SPOCK1: variants seen among roughly 807,000 people sequenced by gnomAD.
SPOCK1 encodes testican-1.
SPOCK1 carries 23 observed loss-of-function variants against 55.3 expected under a neutral mutation model. That is an observed-to-expected ratio of 0.42 (90% CI 0.30 to 0.59). SPOCK1 has a LOEUF of 0.59. SPOCK1 is among the 20% of genes least tolerant of loss of function. SPOCK1 has a pLI of 0.22. For missense variants in SPOCK1, 499 were observed against 552.5 expected (o/e 0.90, Z 0.97); for synonymous variants, 226 against 221.0 (o/e 1.02, Z -0.20).
At chr5:137,465,802 GACA>G (rs1397619480) in intron 2 of SPOCK1, among the ~76,000 whole-genome samples, 4 of 152,294 alleles carry the variant, frequency 2.6e-5, no homozygotes, top group South Asian at 2.1e-4. Flanking sequence ...TAGAAAAACA[GACA>G]ACAAGAGTCT....
At chr5:137,442,626 T>G (rs1439359164) in intron 2 of SPOCK1, among the ~76,000 whole-genome samples, 1 of 152,148 alleles carries the variant, frequency 6.6e-6, no homozygotes, top group Non-Finnish European at 1.5e-5. Flanking sequence ...TCCCACAAAC[T>G]CTTTACAATG....
intron 4 of SPOCK1, among the ~76,000 whole-genome samples, chr5:137,119,449 T>A (rs1483581186): frequency 6.6e-6 from 1 of 152,200 alleles, no homozygotes; most frequent in South Asian, 2.1e-4. Context: ...TACTAAGTCA[T>A]AAAATTACAC....
rs905925997 is a variant in SPOCK1 at position 137,216,484 on chromosome 5, G to A, written c.232+50526C>T. ...CCGGCACTTTCGGAGGCCAAGGCGG[G>A]TGGATCACTTGAGGTCAGGAGTTCA... On this transcript the variant is annotated intron_variant, in intron 3 of 10. Transcript: ENST00000394945. Among the ~76,000 whole-genome samples the A allele has an allele frequency of 3.3e-5, 5 of 152,364 alleles. No homozygotes were observed. In the South Asian group the frequency reaches 1.0e-3, roughly 32 times the overall value.
intron 2 of SPOCK1, among the ~76,000 whole-genome samples, chr5:137,366,243 T>C (rs531248033): frequency 6.6e-6 from 1 of 152,296 alleles, no homozygotes; most frequent in South Asian, 2.1e-4. Context: ...GGATGTCACA[T>C]AGGAAACAAG....
intron 6 of SPOCK1, among the ~76,000 whole-genome samples, chr5:137,042,862 C>T (rs999466977): frequency 3.9e-5 from 6 of 152,068 alleles, no homozygotes; most frequent in African/African-American, 1.4e-4. Context: ...TTTATATACA[C>T]ACACATGCAC....
intron 3 of SPOCK1, among the ~76,000 whole-genome samples, chr5:137,224,761 G>A (rs1755915853): frequency 6.6e-6 from 1 of 152,132 alleles, no homozygotes; most frequent in Non-Finnish European, 1.5e-5. Flanking sequence ...AAACTCCCCA[G>A]GGAGACCCGC....
At chr5:137,256,826 C>A (rs1465345017) in intron 3 of SPOCK1, among the ~76,000 whole-genome samples, 1 of 152,116 alleles carries the variant, frequency 6.6e-6, no homozygotes, top group Non-Finnish European at 1.5e-5. Flanking sequence ...CGCACGCGTG[C>A]CACAAGCAAA....
At chr5:136,987,350 C>CTGAT (rs1212754589) in intron 8 of SPOCK1, among the ~76,000 whole-genome samples, 1 of 152,030 alleles carries the variant, frequency 6.6e-6, no homozygotes, top group Non-Finnish European at 1.5e-5. Context: ...ACACAAGAAC[C>CTGAT]TGATAGAAAA....
At chr5:137,391,329 T>C (rs931285220) in intron 2 of SPOCK1, among the ~76,000 whole-genome samples, 3 of 152,162 alleles carry the variant, frequency 2.0e-5, no homozygotes, top group African/African-American at 7.2e-5. Flanking sequence ...GTTCCAAGTT[T>C]TGCTATTGTG....
intron 6 of SPOCK1, among the ~76,000 whole-genome samples, chr5:137,031,135 G>C (rs558765404): frequency 1.3e-5 from 2 of 152,018 alleles, no homozygotes; most frequent in Non-Finnish European, 2.9e-5. Context: ...TCAAATTTGC[G>C]TGGGACTCTG....
intron 2 of SPOCK1, among the ~76,000 whole-genome samples, chr5:137,390,603 G>C (rs1751698700): frequency 6.6e-6 from 1 of 152,172 alleles, no homozygotes; most frequent in South Asian, 2.1e-4. Flanking sequence ...CATACAAAGA[G>C]ATTGAGAGAA....
In SPOCK1 at chr5:136,977,564, T is replaced by C. The variant is rs1280268637; in HGVS notation, c.*1090A>G. 2.6e-6 allele frequency: 1 copy of C among 378,118 alleles called. No homozygotes were observed. Among genetic ancestry groups the C allele is most frequent in the Non-Finnish European group, 4.7e-6 (1 of 213,758 alleles). 23.4% of individuals were successfully genotyped at this position (378,118 alleles called of 1,614,324 possible). A position where few individuals can be genotyped will look rare whatever the true frequency, so the allele number is the denominator to read the frequency against. On this transcript the variant is annotated 3_prime_UTR_variant, in exon 11 of 11. Transcript: ENST00000394945. ...TGGTACTCTCAGAGAACAGGAGATA[T>C]GTGTGCATGCCTTAGAAAAAGCCCT...
chr5:137,390,466 T>C (rs1051573185), intron 2 of SPOCK1, among the ~76,000 whole-genome samples: 3 of 152,178 alleles, frequency 2.0e-5, no homozygotes, highest in Non-Finnish European at 4.4e-5. Flanking sequence ...ACACCATCTA[T>C]TTGTCTTGAG....
chr5:137,293,845 T>A (rs1397032123), intron 2 of SPOCK1, among the ~76,000 whole-genome samples: 3 of 151,774 alleles, frequency 2.0e-5, no homozygotes, highest in African/African-American at 7.3e-5. Context: ...TGAAACCCCG[T>A]CTCTACTAAA....
At chr5:137,042,046 C>T (rs75824303) in intron 6 of SPOCK1, among the ~76,000 whole-genome samples, 1,841 of 152,196 alleles carry the variant, frequency 0.012, 38 homozygotes, top group African/African-American at 0.041. Context: ...CTGGAAGCAA[C>T]CAAGATGCCC....
chr5:137,448,135 C>G (rs1753168741), intron 2 of SPOCK1, among the ~76,000 whole-genome samples: 1 of 152,142 alleles, frequency 6.6e-6, no homozygotes, highest in Non-Finnish European at 1.5e-5. Flanking sequence ...GTAATCCCAG[C>G]TACTCAGGAG....
At chr5:137,389,112 T>C (rs1053639530) in intron 2 of SPOCK1, among the ~76,000 whole-genome samples, 1 of 152,178 alleles carries the variant, frequency 6.6e-6, no homozygotes, top group African/African-American at 2.4e-5. Context: ...GGCTTACAAA[T>C]GATAATCCAA....
chr5:137,463,871 T>A (rs1361932244), intron 2 of SPOCK1, among the ~76,000 whole-genome samples: 1 of 151,734 alleles, frequency 6.6e-6, no homozygotes, highest in Non-Finnish European at 1.5e-5. Flanking sequence ...TCACTTGAAC[T>A]CGGGATGCAG....
At chr5:137,322,966 AAG>A (rs1477676642) in intron 2 of SPOCK1, among the ~76,000 whole-genome samples, 4 of 152,208 alleles carry the variant, frequency 2.6e-5, no homozygotes, top group East Asian at 1.9e-4. Context: ...GTAGAAGAGC[AAG>A]AGAGAGAGAG....
Sources: allele counts gnomAD v4.1 joint callset (sites outside exome capture counted in the v4.1 genomes callset), GRCh38; gene constraint gnomAD v4.1.1; transcripts MANE v1.5; gene names NCBI Gene and HGNC (gene_info 2026-07-23, HGNC 2026-07-21).